Variants in DLC1 observed in about 807,000 individuals in gnomAD.
The protein encoded by DLC1 is rho GTPase-activating protein 7.
Under a neutral mutation model 140.3 loss-of-function variants are expected in DLC1, and 54 were observed. The observed-to-expected ratio is 0.38, with a 90% CI of 0.31 to 0.48. The LOEUF (loss-of-function observed/expected upper bound fraction) is 0.48, where lower values mean the gene tolerates loss of function less well. Ranked by LOEUF, DLC1 falls within the 20% of genes least tolerant of loss-of-function variation. DLC1 has a pLI of 0.96. For synonymous variants in DLC1, 986 were observed against 728.1 expected, an observed-to-expected ratio of 1.35 and a Z score of -5.70; for missense variants, 2,536 against 1,907.0, an observed-to-expected ratio of 1.33 and a Z score of -6.14.
chr8:13,390,077 G>GTTTAATCT (rs1836683001), intron 4 of DLC1, among the ~76,000 whole-genome samples: 1 of 152,094 alleles, frequency 6.6e-6, no homozygotes, highest in South Asian at 2.1e-4. Context: ...GAAAGTATCT[G>GTTTAATCT]TTTAATCTCT....
intron 1 of DLC1, among the ~76,000 whole-genome samples, chr8:13,534,689 C>A (rs1044079382): frequency 6.6e-6 from 1 of 152,186 alleles, no homozygotes; most frequent in African/African-American, 2.4e-5. Context: ...GCCTGTCATT[C>A]GCGTGGCCAG....
chr8:13,555,975 C>T (rs951668558), intron 1 of DLC1, among the ~76,000 whole-genome samples: 1 of 152,020 alleles, frequency 6.6e-6, no homozygotes, highest in Non-Finnish European at 1.5e-5. Context: ...GGTTGCATTT[C>T]AGGTAATTGG....
chr8:13,539,368 T>G (rs1007508412), intron 1 of DLC1, among the ~76,000 whole-genome samples: 5 of 152,002 alleles, frequency 3.3e-5, no homozygotes, highest in Non-Finnish European at 5.9e-5. Flanking sequence ...CCCAGCTAAT[T>G]TTTTTGTATT....
At chr8:13,580,334 G>C (rs1286834854) in intron 1 of DLC1, among the ~76,000 whole-genome samples, 1 of 152,102 alleles carries the variant, frequency 6.6e-6, no homozygotes, top group Non-Finnish European at 1.5e-5. Context: ...TGTTAGCCAG[G>C]ATGGCCTCGA....
chr8:13,274,972 C>A (rs1041191298), intron 5 of DLC1, among the ~76,000 whole-genome samples: 67 of 152,252 alleles, frequency 4.4e-4, no homozygotes, highest in Non-Finnish European at 9.1e-4. Flanking sequence ...AGATCATACA[C>A]CTTAAAGAGT....
chr8:13,322,563 A>C (rs1158585069), intron 4 of DLC1, among the ~76,000 whole-genome samples: 2 of 152,208 alleles, frequency 1.3e-5, no homozygotes, highest in Non-Finnish European at 2.9e-5. Context: ...TATAACCTTA[A>C]GAAGGTTAAA....
intron 2 of DLC1, among the ~76,000 whole-genome samples, chr8:13,427,717 A>G (rs1838657217): frequency 6.6e-6 from 1 of 152,190 alleles, no homozygotes; most frequent in Non-Finnish European, 1.5e-5. Context: ...TGGCAATTAT[A>G]GTCATATATG....
intron 1 of DLC1, among the ~76,000 whole-genome samples, chr8:13,524,219 A>C (rs10099865): frequency 0.95 from 142,683 of 150,614 alleles, 68,057 homozygotes; most frequent in East Asian, 1. Context: ...CTCAATGCAA[A>C]CTCCGCCTTC....
chr8:13,342,598 C>T (rs553254104), intron 4 of DLC1: 4 of 152,208 alleles, frequency 2.6e-5, no homozygotes, highest in South Asian at 2.1e-4. Flanking sequence ...GCCCTAAGAC[C>T]GCAACATAGA....
chr8:13,086,027 A>T, intron 17 of DLC1, 96 bp from the exon 18 acceptor site: 2 of 1,524,920 alleles, frequency 1.3e-6, no homozygotes, highest in Non-Finnish European at 8.8e-7. Flanking sequence ...AAATGCATAA[A>T]ATCTATCATT....
At chr8:13,288,296 C>A (rs151021378) in intron 5 of DLC1, among the ~76,000 whole-genome samples, 1 of 152,236 alleles carries the variant, frequency 6.6e-6, no homozygotes, top group African/African-American at 2.4e-5. Context: ...TAGATCTCTG[C>A]AGATGGGGCA....
At chr8:13,428,495 G>T (rs952490146) in intron 2 of DLC1, among the ~76,000 whole-genome samples, 2 of 152,096 alleles carry the variant, frequency 1.3e-5, no homozygotes, top group African/African-American at 2.4e-5. Context: ...TCCTAAAGAA[G>T]AATATTTAGT....
At chr8:13,575,173 C>G (rs1240532727) in intron 1 of DLC1, among the ~76,000 whole-genome samples, 1 of 152,138 alleles carries the variant, frequency 6.6e-6, no homozygotes, top group Non-Finnish European at 1.5e-5. Context: ...GTGTCTTATG[C>G]AATCATAAGC....
In DLC1 at chr8:13,500,120, A is replaced by G; in HGVS notation, c.-49T>C. 1 of 1,463,366 alleles carries G rather than the reference A, an allele frequency of 6.8e-7. No individual in the cohort carries two copies. Among genetic ancestry groups the G allele is most frequent in the Non-Finnish European group, 9.4e-7 (1 of 1,069,196 alleles). The allele number at this position is 1,463,366 out of a possible 1,614,324, so 90.6% of individuals were successfully genotyped here. On this transcript the variant is annotated 5_prime_UTR_variant, in exon 2 of 18. Transcript: ENST00000276297. ...AGAGAGATATATTCCATATGAGGGT[A>G]AAGGAGATGGAACTTGATGAAAGAT...
chr8:13,328,850 G>C (rs142073790), intron 4 of DLC1, among the ~76,000 whole-genome samples: 10 of 152,274 alleles, frequency 6.6e-5, no homozygotes, highest in African/African-American at 2.2e-4. Flanking sequence ...AAATGAGCTG[G>C]ACAGTCAATA....
chr8:13,232,436 C>T (rs112266626), intron 5 of DLC1, among the ~76,000 whole-genome samples: 9,327 of 152,056 alleles, frequency 0.061, 358 homozygotes, highest in South Asian at 0.14. Flanking sequence ...CGGGTTCAAG[C>T]GATTCTCCTG....
At chr8:13,164,656 C>T (rs754839343) in intron 5 of DLC1, among the ~76,000 whole-genome samples, 8 of 152,156 alleles carry the variant, frequency 5.3e-5, no homozygotes, top group Non-Finnish European at 1.2e-4. Flanking sequence ...CTGGAGGTAG[C>T]AAGGCATAGC....
At chr8:13,517,671 A>C (rs193173677), upstream of DLC1, among the ~76,000 whole-genome samples, 6 of 152,164 alleles carry the variant, frequency 3.9e-5, no homozygotes, top group Non-Finnish European at 8.8e-5. Context: ...CTAAATACCA[A>C]CTTCCTTAAA....
intron 2 of DLC1, among the ~76,000 whole-genome samples, chr8:13,425,681 A>G (rs548561528): frequency 1.3e-5 from 2 of 152,010 alleles, no homozygotes; most frequent in African/African-American, 2.4e-5. Context: ...AAAAAAAATC[A>G]CATTATCATG....
Sources: gnomAD v4.1 joint callset for allele counts (sites outside exome capture counted in the v4.1 genomes callset) on GRCh38, gnomAD v4.1.1 for gene constraint, MANE v1.5 for transcripts, NCBI Gene and HGNC (gene_info 2026-07-23, HGNC 2026-07-21) for gene names.